Variants in PRDM5 observed in about 807,000 individuals in gnomAD.
PRDM5 encodes the protein PR domain zinc finger protein 5.
PRDM5 carries 56 observed loss-of-function variants against 81.2 expected under a neutral mutation model. That is an observed-to-expected ratio of 0.69 (90% CI 0.56 to 0.86). PRDM5 has a LOEUF of 0.86. Ranked by LOEUF, PRDM5 falls within the 40% of genes least tolerant of loss-of-function variation. The probability of loss-of-function intolerance (pLI) is 0.00; values close to 1 mark genes in which losing one functional copy is unlikely to be tolerated. For synonymous variants in PRDM5, 267 were observed against 256.4 expected (o/e 1.04, Z -0.39); for missense variants, 697 against 770.1 (o/e 0.91, Z 1.12).
At chr4:120,797,339 G>T (rs1751476965) in intron 10 of PRDM5, among the ~76,000 whole-genome samples, 2 of 152,260 alleles carry the variant, frequency 1.3e-5, no homozygotes, top group African/African-American at 2.4e-5. Context: ...TAATATTAGA[G>T]TATGAGAGTG....
rs909511489 is a variant in PRDM5 at position 120,781,226 on chromosome 4, C to T, written c.1360G>A (p.Val454Ile). 6.2e-6 allele frequency: 10 copies of T among 1,613,058 alleles called. No homozygotes were observed. Among genetic ancestry groups the T allele is most frequent in the African/African-American group, 1.3e-5 (1 of 74,986 alleles). Residue 454 changes from valine to isoleucine, a missense_variant, in exon 12 of 16, where the codon GTT becomes ATT. Around this residue, in one of 3 missense-constraint regions of PRDM5, gnomAD observed 577 missense variants for 606.7 expected, o/e 0.95. Transcript: ENST00000264808. ...CTATACTTCTTGTGTCTTTCATGAA[C>T]CACCTGGACATGAACATTTAATGTA... ...KDTLNVHVQV[V>I]HERHKKYRCE...
At chr4:120,787,262 C>T (rs1029330084) in intron 10 of PRDM5, among the ~76,000 whole-genome samples, 1 of 151,964 alleles carries the variant, frequency 6.6e-6, no homozygotes, top group Admixed American at 6.6e-5. Flanking sequence ...ATCACGGAAG[C>T]CAGTGTGGTT....
intron 2 of PRDM5, among the ~76,000 whole-genome samples, chr4:120,899,365 T>C (rs893076656): frequency 6.6e-6 from 1 of 152,172 alleles, no homozygotes; most frequent in Non-Finnish European, 1.5e-5. Flanking sequence ...AATTAGGCCA[T>C]AATTCGTCAC....
chr4:120,734,979 A>T (rs946691439), intron 14 of PRDM5, among the ~76,000 whole-genome samples: 1 of 152,182 alleles, frequency 6.6e-6, no homozygotes, highest in Non-Finnish European at 1.5e-5. Context: ...CACGGCACAT[A>T]GCACAGAAGC....
intron 3 of PRDM5, among the ~76,000 whole-genome samples, chr4:120,824,956 GAATT>G (rs1333526542): frequency 2.6e-5 from 4 of 152,000 alleles, no homozygotes; most frequent in South Asian, 2.1e-4. Flanking sequence ...AATTTTCCTA[GAATT>G]AATTAATTTA....
At chr4:120,913,499 G>T (rs1392268164) in intron 1 of PRDM5, among the ~76,000 whole-genome samples, 1 of 152,214 alleles carries the variant, frequency 6.6e-6, no homozygotes, top group African/African-American at 2.4e-5. Context: ...TAATAAAATG[G>T]AATTATTCTT....
At position 120,892,833 on chromosome 4, in the gene PRDM5, T is replaced by TA. The variant is rs540094433; in HGVS notation, c.177+14640dup. The stretch of plus-strand genomic sequence containing the variant: ...TATCACGTATTGCCTGACTGGCTAC[T>TA]AGTGGCAGTGGTGGGTGGGGGCTCC... On this transcript the variant is annotated intron_variant, in intron 2 of 15. Coordinates refer to ENST00000264808, the MANE Select transcript of PRDM5 (RefSeq NM_018699.4). Among the ~76,000 whole-genome samples the TA allele has an allele frequency of 3.3e-4, 50 of 152,332 alleles. 1 individual carries two copies. In the South Asian group the frequency reaches 0.01, roughly 31 times the overall value.
chr4:120,754,411 T>A (rs918588956), intron 14 of PRDM5, 142 bp downstream of exon 14: 2 of 530,112 alleles, frequency 3.8e-6, no homozygotes, highest in Non-Finnish European at 6.3e-6. Flanking sequence ...TTAAAAAAAA[T>A]TATCCTGAAA....
At chr4:120,915,361 T>A (rs1370358011) in intron 1 of PRDM5, among the ~76,000 whole-genome samples, 1 of 152,124 alleles carries the variant, frequency 6.6e-6, no homozygotes, top group Admixed American at 6.6e-5. Context: ...TGAGACAGAA[T>A]GAAGGTATAG....
Position 120,777,239 on chromosome 4 carries a change from G to C in PRDM5, c.1486C>G (p.Gln496Glu). 1 of 1,613,322 alleles carries C rather than the reference G, an allele frequency of 6.2e-7. No individual in the cohort carries two copies. The highest frequency in any genetic ancestry group is 8.5e-7 in the Non-Finnish European group (1 of 1,179,534). Residue 496 changes from glutamine (Q) to glutamate (E), a missense_variant, in exon 13 of 16, where the codon CAG (glutamine) becomes GAG (glutamate). Physicochemically the swap from Gln to Glu is conservative, Grantham distance 29. Transcript: ENST00000264808. ...EKEKICPYCG[Q>E]KFASSGTLRV... is the part of the protein sequence containing the mutation. ...AGTGTACCACTGCTGGCAAATTTCT[G>C]GCCACAATATGGACAGATTTTCTCC...
chr4:120,794,514 AACACACACACAC>A (rs70948364), intron 10 of PRDM5, among the ~76,000 whole-genome samples: 32,704 of 143,560 alleles, frequency 0.23, 3,763 homozygotes, highest in Non-Finnish European at 0.28. Flanking sequence ...TCCAAAATCT[AACACACACACAC>A]ACACACACAC....
At chr4:120,802,255 A>G (rs994118340) in intron 8 of PRDM5, among the ~76,000 whole-genome samples, 1 of 152,206 alleles carries the variant, frequency 6.6e-6, no homozygotes, top group African/African-American at 2.4e-5. Flanking sequence ...ATTCCTTAAA[A>G]TGCTTAATAA....
chr4:120,781,373 A>T, intron 11 of PRDM5, 70 bp from the exon 12 acceptor site: 2 of 1,400,496 alleles, frequency 1.4e-6, no homozygotes, highest in South Asian at 2.4e-5. Flanking sequence ...TGTATGCCAG[A>T]CTTAGTTGCT....
intron 14 of PRDM5, among the ~76,000 whole-genome samples, chr4:120,713,513 T>C (rs935456574): frequency 6.6e-6 from 1 of 152,152 alleles, no homozygotes; most frequent in African/African-American, 2.4e-5. Flanking sequence ...GTTTTACAAG[T>C]TTTTCCCATA....
intron 14 of PRDM5, among the ~76,000 whole-genome samples, chr4:120,737,833 G>T (rs1741339508): frequency 6.6e-6 from 1 of 152,130 alleles, no homozygotes; most frequent in African/African-American, 2.4e-5. Context: ...ATAAATAAAT[G>T]AATGGATTCA....
intron 2 of PRDM5, among the ~76,000 whole-genome samples, chr4:120,861,960 C>A (rs552763034): frequency 6.6e-6 from 1 of 152,056 alleles, no homozygotes; most frequent in African/African-American, 2.4e-5. Context: ...TCTCCTAATC[C>A]AAATTCCTCT....
intron 14 of PRDM5, among the ~76,000 whole-genome samples, chr4:120,713,673 GAAT>G (rs1169847192): frequency 2.6e-5 from 4 of 152,078 alleles, no homozygotes. Flanking sequence ...ATCTCCTACT[GAAT>G]AATACAGGTA....
intron 14 of PRDM5, among the ~76,000 whole-genome samples, chr4:120,744,350 C>T (rs1251246302): frequency 1.3e-5 from 2 of 152,038 alleles, no homozygotes; most frequent in Non-Finnish European, 2.9e-5. Flanking sequence ...AATTGACACC[C>T]TAACATCACA....
In PRDM5 at chr4:120,710,496, G is replaced by T. The variant is rs1578436084; in HGVS notation, c.1624-83C>A. On this transcript the variant is annotated intron_variant, in intron 14 of 15. Transcript: ENST00000264808. ...CTCCATATTCAGGTGTGTGTTATGGGATCCACAGAATACTGCAGCAAATTT... is the reference window on the plus strand; with the variant it reads ...CTCCATATTCAGGTGTGTGTTATGGTATCCACAGAATACTGCAGCAAATTT... The T allele has an allele frequency of 1.7e-5, 19 of 1,121,472 alleles. No homozygotes were observed. In the East Asian group the frequency reaches 3.8e-4, roughly 23 times the overall value. The allele number at this position is 1,121,472 out of a possible 1,614,324, so 69.5% of individuals were successfully genotyped here. A position where few individuals can be genotyped will look rare whatever the true frequency, so the allele number is the denominator to read the frequency against.
Sources: gnomAD v4.1 joint callset for allele counts (sites outside exome capture counted in the v4.1 genomes callset) on GRCh38, gnomAD v4.1.1 for gene constraint, gnomAD v4.1.1 regional missense constraint, MANE v1.5 for transcripts, NCBI Gene and HGNC (gene_info 2026-07-23, HGNC 2026-07-21) for gene names.